The following PDXDC1 variants were observed in gnomAD, a reference collection of about 807,000 sequenced individuals.
PDXDC1 encodes the protein pyridoxal-dependent decarboxylase domain-containing protein 1.
In PDXDC1, 42 loss-of-function variants were observed where a neutral mutation model predicts 100.1. The observed-to-expected ratio is 0.42, with a 90% confidence interval of 0.33 to 0.54. PDXDC1 has a LOEUF of 0.54. Among genes scored for constraint, PDXDC1 ranks in the 20% least tolerant of loss-of-function variants. The probability of loss-of-function intolerance (pLI) is 0.10; values close to 1 mark genes in which losing one functional copy is unlikely to be tolerated. For missense variants in PDXDC1, 636 were observed against 979.2 expected (o/e 0.65, Z 4.68); for synonymous variants, 260 against 371.7 (o/e 0.70, Z 3.46).
At chr16:15,054,945 CAG>C (rs1597827863) in intron 16 of PDXDC1, among the ~76,000 whole-genome samples, 1 of 152,192 alleles carries the variant, frequency 6.6e-6, no homozygotes, top group East Asian at 1.9e-4. Flanking sequence ...CTTCCCATCT[CAG>C]AGTGAAAGGG....
At chr16:15,078,951 A>C (rs376544151) in intron 16 of PDXDC1, among the ~76,000 whole-genome samples, 4 of 151,630 alleles carry the variant, frequency 2.6e-5, no homozygotes, top group South Asian at 4.2e-4. Context: ...AGCTGGGACT[A>C]TAGGTGCCCA....
Position 15,032,887 on chromosome 16 carries a change from G to A in PDXDC1, c.1598G>A (p.Ser533Asn), listed in dbSNP as rs140715398. 6.9e-4 allele frequency: 1,108 copies of A among 1,605,216 alleles called. 10 individuals carry two copies. In the African/African-American group the frequency reaches 0.013, roughly 20 times the overall value. Residue 533 changes from serine to asparagine, a missense_variant, in exon 18 of 23, where the codon AGC becomes AAC. Ser to Asn is a conservative substitution (Grantham distance 46). Transcript: ENST00000396410. ...VRYEHANDDK[S>N]SLKSDPEGEN... ...TATGAACATGCTAATGATGATAAGA[G>A]CAGTTTGAAATCAGATCCCGAAGGG...
Position 15,034,571 on chromosome 16 carries a change from CT to C in PDXDC1, c.2002+20del. ...GACAGCAGGTAGGACGGCATAGCCTCTTCCCAGGTCTTGCTGACCTTGGGAG... is the reference window on the plus strand; with the variant it reads ...GACAGCAGGTAGGACGGCATAGCCTCTCCCAGGTCTTGCTGACCTTGGGAG... On this transcript the variant is annotated intron_variant, in intron 21 of 22. Transcript: ENST00000396410. The C allele has an allele frequency of 1.3e-6, 2 of 1,575,576 alleles. No homozygotes were observed. Among genetic ancestry groups the C allele is most frequent in the South Asian group, 2.2e-5 (2 of 90,338 alleles).
At chr16:15,125,619 T>C in intron 16 of PDXDC1, 2 of 1,171,736 alleles carry the variant, frequency 1.7e-6, no homozygotes, top group African/African-American at 1.5e-5. Context: ...AGGTGCACAG[T>C]GTCTGGAGTC....
At position 15,125,852 on chromosome 16, in the gene PDXDC1, C is replaced by T. The variant is rs144166842; in HGVS notation, c.1400-13027C>T. 1,333 of 887,228 alleles carry T rather than the reference C, an allele frequency of 1.5e-3. 11 individuals carry two copies. In the African/African-American group the frequency reaches 0.018, roughly 12 times the overall value. 55.0% of individuals were successfully genotyped at this position (887,228 alleles called of 1,614,324 possible). On this transcript the variant is annotated intron_variant, in intron 16 of 16. Coordinates refer to the PDXDC1 transcript ENST00000535621. ...GTCAGCGGGCGGCAGCTCAGACCTGCTCAGGACCTGGATGAGAAGCCACCT... is the reference window on the plus strand; with the variant it reads ...GTCAGCGGGCGGCAGCTCAGACCTGTTCAGGACCTGGATGAGAAGCCACCT...
rs544057007 is a variant in PDXDC1, at chr16:15,035,532, C to T, written c.2086C>T (p.Arg696Cys). The change falls in exon 22 of 23, where the codon CGC (arginine) becomes TGC (cysteine). Residue 696 changes from arginine (R) to cysteine (C), a missense_variant. Arg to Cys is a radical substitution (Grantham distance 180). Coordinates refer to ENST00000396410, the MANE Select transcript of PDXDC1 (RefSeq NM_015027.4). The stretch of plus-strand genomic sequence containing the variant: ...GCTGCCTCCAACGCCCTCGGGCAGT[C>T]GCACCAAGCAGAGGCTTCCAGGTAA... Reference protein sequence around the residue: ...VTLPPTPSGSRTKQRLPGQKP... With the variant: ...VTLPPTPSGSCTKQRLPGQKP... The T allele has an allele frequency of 1.6e-5, 25 of 1,610,704 alleles. No individual in the cohort carries two copies. Among genetic ancestry groups the T allele is most frequent in the African/African-American group, 1.5e-4 (11 of 74,946 alleles).
intron 16 of PDXDC1, chr16:15,080,155 G>T (rs1424032976): frequency 6.6e-7 from 1 of 1,521,102 alleles, no homozygotes; most frequent in Non-Finnish European, 8.8e-7. Flanking sequence ...TCACAGTTAT[G>T]TAAGCAAAAC....
intron 19 of PDXDC1, among the ~76,000 whole-genome samples, chr16:15,033,741 T>A (rs942393391): frequency 1.3e-5 from 2 of 152,196 alleles, no homozygotes; most frequent in African/African-American, 4.8e-5. Context: ...AGCTGTGTCC[T>A]GAGGGTGAAT....
chr16:15,011,447 A>C (rs1404727302), intron 8 of PDXDC1, among the ~76,000 whole-genome samples: 6 of 152,402 alleles, frequency 3.9e-5, no homozygotes, highest in African/African-American at 1.4e-4. Flanking sequence ...CTAAGACAAT[A>C]AAATGTCTCA....
chr16:15,135,346 G>A (rs1315251639), intron 16 of PDXDC1: 6 of 1,538,968 alleles, frequency 3.9e-6, no homozygotes, highest in African/African-American at 1.4e-5. Flanking sequence ...TGTACTCCAC[G>A]CCAGCCGCCA....
chr16:15,073,134 A>T, intron 16 of PDXDC1: 1 of 1,574,330 alleles, frequency 6.4e-7, no homozygotes, highest in Admixed American at 1.9e-5. Context: ...TTCAAGTTTC[A>T]TCTGCCATAT....
chr16:15,020,483 G>A (rs2042104919), intron 12 of PDXDC1, among the ~76,000 whole-genome samples: 1 of 152,256 alleles, frequency 6.6e-6, no homozygotes, highest in African/African-American at 2.4e-5. Flanking sequence ...GAGGTCAGGA[G>A]ATCAAGACCA....
chr16:15,056,006 C>G (rs1320515926), intron 16 of PDXDC1: 4 of 1,139,674 alleles, frequency 3.5e-6, no homozygotes, highest in Non-Finnish European at 4.4e-6. Flanking sequence ...CCCAGGGAGG[C>G]GGCGGCCCCC....
rs188451850 is a variant in PDXDC1 at position 15,052,447 on chromosome 16, C to A, written c.1399+22391C>A. Reference sequence around the variant, plus strand: ...TGTGACCTGGGGGATGATCATGTGACCCTCACCCCTGCTGTCCTGTTTATC... The same window carrying A: ...TGTGACCTGGGGGATGATCATGTGAACCTCACCCCTGCTGTCCTGTTTATC... On this transcript the variant is annotated intron_variant, in intron 16 of 16. Transcript: ENST00000535621. Among the ~76,000 whole-genome samples, 42 of 152,236 alleles carry A rather than the reference C, an allele frequency of 2.8e-4. No individual in the cohort carries two copies. The East Asian group carries it at 7.5e-3, about 27-fold the overall frequency.
Position 15,032,921 on chromosome 16 carries a change from C to T in PDXDC1, c.1632C>T (p.Ile544=). Residue 544 remains isoleucine (I), a synonymous_variant, in exon 18 of 23, where the codon ATC becomes ATT. Transcript: ENST00000396410. ...SLKSDPEGEN[I]HAGLLKKLNE... ...AATCAGATCCCGAAGGGGAAAACAT[C>T]CATGCTGGACTCCTGAAGAAGTTAA... 1 of 1,612,336 alleles carries T rather than the reference C, an allele frequency of 6.2e-7. No individual in the cohort carries two copies. Among genetic ancestry groups the T allele is most frequent in the Non-Finnish European group, 8.5e-7 (1 of 1,178,316 alleles).
chr16:14,981,214 G>A (rs1317401587), intron 1 of PDXDC1, among the ~76,000 whole-genome samples: 9 of 152,294 alleles, frequency 5.9e-5, no homozygotes, highest in Non-Finnish European at 7.3e-5. Context: ...TACTTTACGA[G>A]TGTGCCTCAT....
At chr16:15,013,366 A>C (rs1472789533) in intron 8 of PDXDC1, among the ~76,000 whole-genome samples, 1 of 151,560 alleles carries the variant, frequency 6.6e-6, no homozygotes, top group African/African-American at 2.4e-5. Flanking sequence ...AAAGAAAAAA[A>C]AAAAAAAAGG....
intron 16 of PDXDC1, chr16:15,125,913 C>G: frequency 3.0e-6 from 2 of 674,946 alleles, no homozygotes; most frequent in East Asian, 5.4e-5. Context: ...TGCCATCTGA[C>G]AGAATGTCCT....
chr16:14,998,205 G>A (rs1972413822), intron 2 of PDXDC1, 135 bp from the exon 3 acceptor site: 1 of 749,744 alleles, frequency 1.3e-6, no homozygotes, highest in Non-Finnish European at 2.2e-6. Flanking sequence ...GAGGCAGGGA[G>A]ATGTGATAAA....
Sources: allele counts gnomAD v4.1 joint callset (sites outside exome capture counted in the v4.1 genomes callset), GRCh38; gene constraint gnomAD v4.1.1; transcripts MANE v1.5; gene names NCBI Gene and HGNC (gene_info 2026-07-23, HGNC 2026-07-21).